Variants in UBN2 observed in about 807,000 individuals in gnomAD.
UBN2 encodes the protein ubinuclein-2.
UBN2 carries 35 observed loss-of-function variants against 120.2 expected under a neutral mutation model. The ratio of observed to expected loss-of-function variants is 0.29; its 90% CI spans 0.22 to 0.39. The LOEUF (loss-of-function observed/expected upper bound fraction) is 0.39. Ranked by LOEUF, UBN2 falls within the 10% of genes least tolerant of loss-of-function variation. UBN2 has a pLI of 1.00. For synonymous variants in UBN2, 661 were observed against 648.7 expected (o/e 1.02, Z -0.29); for missense variants, 1,693 against 1,663.2 (o/e 1.02, Z -0.31).
At chr7:139,245,557 T>C (rs1459600106) in intron 2 of UBN2, among the ~76,000 whole-genome samples, 1 of 152,230 alleles carries the variant, frequency 6.6e-6, no homozygotes, top group Non-Finnish European at 1.5e-5. Flanking sequence ...TTCCTAAATC[T>C]CTAATTACCC....
chr7:139,314,342 C>G, the UBN2 span, among the ~76,000 whole-genome samples: 2 of 151,508 alleles, frequency 1.3e-5, no homozygotes, highest in African/African-American at 4.8e-5. Context: ...GTAGTCCCAG[C>G]CACTGGGGAG....
intron 15 of UBN2, among the ~76,000 whole-genome samples, chr7:139,286,407 T>G (rs1302902102): frequency 6.6e-6 from 1 of 152,316 alleles, no homozygotes; most frequent in East Asian, 1.9e-4. Context: ...CTGTTATTGT[T>G]TTCATCTCTA....
intron 9 of UBN2, among the ~76,000 whole-genome samples, chr7:139,273,074 C>T (rs1385071327): frequency 1.3e-5 from 2 of 152,174 alleles, no homozygotes; most frequent in African/African-American, 4.8e-5. Context: ...GTTTTCTGAC[C>T]TAAAAGGTGA....
intron 4 of UBN2, among the ~76,000 whole-genome samples, 161 bp from the exon 5 acceptor site, chr7:139,259,106 G>A (rs1203037695): frequency 2.0e-5 from 3 of 152,136 alleles, no homozygotes; most frequent in African/African-American, 4.8e-5. Flanking sequence ...AATCGAAACC[G>A]GAGGTGAGAG....
At chr7:139,326,251 G>A in the UBN2 span, among the ~76,000 whole-genome samples, 1 of 150,502 alleles carries the variant, frequency 6.6e-6, no homozygotes, top group African/African-American at 2.5e-5. Flanking sequence ...GCAAGACTCT[G>A]TCTCAAAACA....
the UBN2 span, among the ~76,000 whole-genome samples, chr7:139,327,434 TCTC>T: frequency 3.9e-5 from 6 of 152,318 alleles, no homozygotes; most frequent in Non-Finnish European, 8.8e-5. Flanking sequence ...GAAATTTATT[TCTC>T]ATAATTCTGG....
chr7:139,298,127 A>C lies in UBN2; in HGVS notation c.*291A>C. The C allele has an allele frequency of 3.3e-6, 1 of 302,602 alleles. No homozygotes were observed. The highest frequency in any genetic ancestry group is 6.1e-6 in the Non-Finnish European group (1 of 164,780). The allele number at this position is 302,602 out of a possible 1,614,324, so 18.7% of individuals were successfully genotyped here. A position where few individuals can be genotyped will look rare whatever the true frequency, so the allele number is the denominator to read the frequency against. On this transcript the variant is annotated 3_prime_UTR_variant, in exon 18 of 18. Coordinates refer to ENST00000473989, the MANE Select transcript of UBN2 (RefSeq NM_173569.4). The stretch of plus-strand genomic sequence containing the variant: ...ACTCAGTTGTCAAACCCACAGAAAT[A>C]CAAATTTGATTTTTCCCGGGGGAGG...
chr7:139,263,985 C>T (rs948260123), intron 6 of UBN2, among the ~76,000 whole-genome samples: 32 of 152,060 alleles, frequency 2.1e-4, no homozygotes, highest in African/African-American at 7.5e-4. Context: ...ATTTTTTATT[C>T]ACATTAGGCT....
intron 1 of UBN2, among the ~76,000 whole-genome samples, chr7:139,234,632 G>T (rs1796115402): frequency 6.6e-6 from 1 of 152,066 alleles, no homozygotes; most frequent in African/African-American, 2.4e-5. Context: ...CTGGCTAAAG[G>T]GTAATAGTGC....
In UBN2 at chr7:139,231,281, C is replaced by T. The variant is rs573003616; in HGVS notation, c.-204C>T. On this transcript the variant is annotated 5_prime_UTR_variant, in exon 1 of 18. Coordinates refer to ENST00000473989, the MANE Select transcript of UBN2 (RefSeq NM_173569.4). Reference sequence around the variant, plus strand: ...GGATCCAACATGGCGGCCGCGGCGACCCTGGCGATGGCGGTGAAGCCCATC... The same window carrying T: ...GGATCCAACATGGCGGCCGCGGCGATCCTGGCGATGGCGGTGAAGCCCATC... Among the ~76,000 whole-genome samples, 25 of 152,350 alleles carry T rather than the reference C, an allele frequency of 1.6e-4. No individual in the cohort carries two copies. Among genetic ancestry groups the T allele is most frequent in the Non-Finnish European group, 2.5e-4 (17 of 68,042 alleles).
At chr7:139,295,272 G>A (rs1262823671) in intron 17 of UBN2, among the ~76,000 whole-genome samples, 1 of 152,162 alleles carries the variant, frequency 6.6e-6, no homozygotes, top group Non-Finnish European at 1.5e-5. Context: ...AACCACAGTT[G>A]TGTAAAATGG....
intron 2 of UBN2, among the ~76,000 whole-genome samples, chr7:139,242,268 A>G (rs1217295702): frequency 6.6e-6 from 1 of 152,234 alleles, no homozygotes; most frequent in Non-Finnish European, 1.5e-5. Context: ...AGTTGTAAGA[A>G]TCATATCAAT....
At chr7:139,287,669 C>CT (rs60585708) in intron 15 of UBN2, among the ~76,000 whole-genome samples, 388 of 138,742 alleles carry the variant, frequency 2.8e-3, no homozygotes, top group Middle Eastern at 3.8e-3. Context: ...CATATCTGAT[C>CT]TTTTTTTTTT....
intron 2 of UBN2, among the ~76,000 whole-genome samples, chr7:139,244,367 T>TA (rs752317253): frequency 3.2e-4 from 48 of 152,266 alleles, no homozygotes; most frequent in African/African-American, 1.1e-3. Context: ...TCTTACACTA[T>TA]AAAAAAATTT....
At position 139,242,964 on chromosome 7, in the gene UBN2, C is replaced by A. The variant is rs567060230; in HGVS notation, c.561+5867C>A. Among the ~76,000 whole-genome samples the A allele has an allele frequency of 1.1e-4, 16 of 152,182 alleles. 1 individual carries two copies. The South Asian group carries it at 2.5e-3, about 24-fold the overall frequency. On this transcript the variant is annotated intron_variant, in intron 2 of 17. Transcript: ENST00000473989. ...GTGACGACAGGATGTTTTCTTCTCA[C>A]TTATAGGACTGGTGTGTTTTTTAGT...
At chr7:139,244,346 CG>C (rs1796403713) in intron 2 of UBN2, among the ~76,000 whole-genome samples, 1 of 152,084 alleles carries the variant, frequency 6.6e-6, no homozygotes, top group Non-Finnish European at 1.5e-5. Flanking sequence ...TGTGCAATTA[CG>C]TTTGTACTTT....
intron 16 of UBN2, 48 bp from the exon 17 acceptor site, chr7:139,293,841 G>T: frequency 6.4e-7 from 1 of 1,564,822 alleles, no homozygotes; most frequent in South Asian, 1.1e-5. Flanking sequence ...AACTAAAAGG[G>T]CTCAAATCTG....
At chr7:139,242,534 A>G (rs989237120) in intron 2 of UBN2, among the ~76,000 whole-genome samples, 1 of 152,298 alleles carries the variant, frequency 6.6e-6, no homozygotes, top group Non-Finnish European at 1.5e-5. Flanking sequence ...TAAAAACATA[A>G]AATAATCTTT....
the UBN2 span, among the ~76,000 whole-genome samples, chr7:139,319,908 CT>C: frequency 9.2e-5 from 14 of 152,048 alleles, no homozygotes; most frequent in African/African-American, 3.1e-4. Flanking sequence ...AACCCCGTCT[CT>C]ACTAAAAATA....
Sources: allele counts gnomAD v4.1 joint callset (sites outside exome capture counted in the v4.1 genomes callset), GRCh38; gene constraint gnomAD v4.1.1; transcripts MANE v1.5; gene names NCBI Gene and HGNC (gene_info 2026-07-23, HGNC 2026-07-21).